Variants in FAM135B observed in about 807,000 individuals in gnomAD.
The protein encoded by FAM135B is protein FAM135B.
In FAM135B, 43 loss-of-function variants were observed where a neutral mutation model predicts 127.7. That is an observed-to-expected ratio of 0.34 (90% CI 0.26 to 0.43). The LOEUF is 0.43. Ranked by LOEUF, FAM135B falls within the 20% of genes least tolerant of loss-of-function variation. FAM135B has a pLI of 1.00. For missense variants in FAM135B, 1,558 were observed against 1,725.6 expected (o/e 0.90, Z 1.72); for synonymous variants, 670 against 665.1 (o/e 1.01, Z -0.11).
chr8:138,459,154 G>C (rs1836979177), intron 1 of FAM135B: 1 of 152,202 alleles, frequency 6.6e-6, no homozygotes, highest in Admixed American at 6.5e-5. Context: ...AGGAATCGTA[G>C]CTGGTAGAAC....
At chr8:138,492,229 C>G (rs1003134465) in intron 1 of FAM135B, among the ~76,000 whole-genome samples, 1 of 152,074 alleles carries the variant, frequency 6.6e-6, no homozygotes, top group African/African-American at 2.4e-5. Context: ...GAGTATCAAC[C>G]ATGACCCCTC....
At chr8:138,217,279 A>C (rs1818619582) in intron 7 of FAM135B, among the ~76,000 whole-genome samples, 1 of 152,198 alleles carries the variant, frequency 6.6e-6, no homozygotes, top group African/African-American at 2.4e-5. Flanking sequence ...AGTCATATCT[A>C]GACAACAAAA....
At chr8:138,432,324 C>T (rs996181960) in intron 1 of FAM135B, among the ~76,000 whole-genome samples, 1 of 152,016 alleles carries the variant, frequency 6.6e-6, no homozygotes, top group Non-Finnish European at 1.5e-5. Context: ...AAAGAGCTTC[C>T]CAGATAGAGG....
chr8:138,454,729 C>G (rs2131596985), intron 1 of FAM135B, among the ~76,000 whole-genome samples: 1 of 152,308 alleles, frequency 6.6e-6, no homozygotes, highest in South Asian at 2.1e-4. Context: ...GCTTCACACA[C>G]AGAGAGCTCC....
intron 1 of FAM135B, chr8:138,437,356 A>C (rs2131531648): frequency 6.6e-6 from 1 of 152,218 alleles, no homozygotes; most frequent in Middle Eastern, 3.4e-3. Flanking sequence ...GTGGGAGGTA[A>C]TTGGATCATG....
At chr8:138,237,576 C>G (rs557936511) in intron 7 of FAM135B, among the ~76,000 whole-genome samples, 161 of 152,284 alleles carry the variant, frequency 1.1e-3, no homozygotes, top group African/African-American at 3.7e-3. Context: ...TCCAACATTA[C>G]AGATGTTTCT....
chr8:138,387,819 C>T (rs866598292), intron 1 of FAM135B, among the ~76,000 whole-genome samples: 7 of 152,270 alleles, frequency 4.6e-5, no homozygotes, highest in Middle Eastern at 3.4e-3. Context: ...CTCCCTACTC[C>T]TAAAATACCT....
chr8:138,434,832 C>T (rs534000871), intron 1 of FAM135B, among the ~76,000 whole-genome samples: 40 of 152,234 alleles, frequency 2.6e-4, no homozygotes, highest in African/African-American at 9.4e-4. Flanking sequence ...GGGGTACATG[C>T]CAGTATTGTG....
rs559252097 is a variant in FAM135B, at chr8:138,152,455, C to T, written c.2020G>A (p.Gly674Arg). Residue 674 changes from glycine (G) to arginine (R), a missense_variant, in exon 13 of 20, where the codon GGG (glycine) becomes AGG (arginine). Transcript: ENST00000395297. ...EEQEELSVLS[G>R]VIKRSSSIIS... The stretch of plus-strand genomic sequence containing the variant: ...ATGGATGAAGATCTCTTGATGACCC[C>T]GGATAGCACTGAGAGTTCCTCCTGC... The T allele has an allele frequency of 1.1e-4, 178 of 1,614,154 alleles. 2 individuals carry two copies. The South Asian group carries it at 1.7e-3, about 15-fold the overall frequency.
intron 1 of FAM135B, among the ~76,000 whole-genome samples, chr8:138,483,935 G>A (rs1259162928): frequency 1.3e-5 from 2 of 152,146 alleles, no homozygotes; most frequent in East Asian, 3.9e-4. Context: ...AAAATATCTA[G>A]GGGGACACTG....
intron 2 of FAM135B, among the ~76,000 whole-genome samples, chr8:138,350,799 T>C (rs1276757387): frequency 2.0e-5 from 3 of 152,342 alleles, no homozygotes; most frequent in Non-Finnish European, 4.4e-5. Flanking sequence ...TATAAGCTAA[T>C]TCCCAGAACT....
chr8:138,194,822 T>C (rs1816478103), intron 9 of FAM135B, among the ~76,000 whole-genome samples: 1 of 152,232 alleles, frequency 6.6e-6, no homozygotes. Context: ...AATGCACGCT[T>C]GATGAGGCTT....
chr8:138,195,511 TGAGCACTA>T (rs889512660), intron 8 of FAM135B, among the ~76,000 whole-genome samples: 1 of 147,946 alleles, frequency 6.8e-6, no homozygotes, highest in Non-Finnish European at 1.5e-5. Context: ...TGGACTGGAC[TGAGCACTA>T]GATAAAAGCC....
rs974146797 is a variant in FAM135B, at chr8:138,241,398, C to T, written c.669+1544G>A. Among the ~76,000 whole-genome samples, 1 of 152,184 alleles carries T rather than the reference C, an allele frequency of 6.6e-6. No individual in the cohort carries two copies. The highest frequency in any genetic ancestry group is 1.5e-5 in the Non-Finnish European group (1 of 68,046). On this transcript the variant is annotated intron_variant, in intron 7 of 19. Coordinates refer to ENST00000395297, the MANE Select transcript of FAM135B (RefSeq NM_015912.4). This position sits in a 1 kb window ranked among gnomAD's most constrained non-coding sequence, Gnocchi z 4.8. The stretch of plus-strand genomic sequence containing the variant: ...AATCTGCTCCTTCCATGGCACAGAA[C>T]CCCATTCTGGCTTCAGGTCCCCTCA...
intron 2 of FAM135B, among the ~76,000 whole-genome samples, chr8:138,351,743 G>T (rs958430): frequency 0.92 from 137,066 of 148,360 alleles, 63,779 homozygotes; most frequent in Non-Finnish European, 0.99. Flanking sequence ...AGGCTGGAGC[G>T]CAGTGGTACA....
chr8:138,403,239 C>A (rs1469267021), intron 1 of FAM135B, among the ~76,000 whole-genome samples: 1 of 152,062 alleles, frequency 6.6e-6, no homozygotes, highest in African/African-American at 2.4e-5. Context: ...AGAGGCAAAC[C>A]CCTTCTCTCC....
At chr8:138,295,305 C>T (rs768206828) in intron 3 of FAM135B, among the ~76,000 whole-genome samples, 1 of 151,772 alleles carries the variant, frequency 6.6e-6, no homozygotes, top group Non-Finnish European at 1.5e-5. Context: ...TTGGTTCTCT[C>T]GGTGACTTTG....
chr8:138,246,041 A>G (rs1200422622), intron 6 of FAM135B, among the ~76,000 whole-genome samples: 1 of 152,198 alleles, frequency 6.6e-6, no homozygotes, highest in Non-Finnish European at 1.5e-5. Flanking sequence ...CCTTCCCTAG[A>G]GATCTGTGGA....
At chr8:138,182,316 G>A (rs920763675) in intron 9 of FAM135B, among the ~76,000 whole-genome samples, 2 of 152,184 alleles carry the variant, frequency 1.3e-5, no homozygotes, top group East Asian at 1.9e-4. Context: ...CACAGATGGC[G>A]AGCTTGGAAG....
Sources: allele counts gnomAD v4.1 joint callset (sites outside exome capture counted in the v4.1 genomes callset), GRCh38; gene constraint gnomAD v4.1.1; non-coding constraint Gnocchi (gnomAD v3.1); transcripts MANE v1.5; gene names NCBI Gene and HGNC (gene_info 2026-07-23, HGNC 2026-07-21).